The following IL15 variants were observed in gnomAD, a reference collection of about 807,000 sequenced individuals.
IL15 encodes interleukin 15, also known as interleukin-15.
In IL15, 11 loss-of-function variants were observed where a neutral mutation model predicts 19.6. The observed-to-expected ratio is 0.56, with a 90% CI of 0.35 to 0.93. The LOEUF (loss-of-function observed/expected upper bound fraction) is 0.93, where lower values mean the gene tolerates loss of function less well. IL15 is among the 40% of genes least tolerant of loss of function. The pLI is 0.01. For synonymous variants in IL15, 58 were observed against 59.6 expected (o/e 0.97, Z 0.12); for missense variants, 197 against 186.5 (o/e 1.06, Z -0.33).
chr4:141,661,779 C>T (rs895695794), intron 2 of IL15, among the ~76,000 whole-genome samples: 1 of 152,016 alleles, frequency 6.6e-6, no homozygotes, highest in Non-Finnish European at 1.5e-5. Context: ...GCTCCCTCCG[C>T]CCTCCATTTC....
At chr4:141,648,126 T>C (rs1482019386) in intron 1 of IL15, among the ~76,000 whole-genome samples, 6 of 152,042 alleles carry the variant, frequency 3.9e-5, no homozygotes, top group African/African-American at 1.2e-4. Context: ...CATATTTGAC[T>C]CATAGTATAT....
At chr4:141,730,051 A>T in intron 7 of IL15, 67 bp downstream of exon 7, 1 of 1,254,514 alleles carries the variant, frequency 8.0e-7, no homozygotes. Flanking sequence ...GAAGTCATTC[A>T]TGGACAAGCA....
intron 5 of IL15, among the ~76,000 whole-genome samples, chr4:141,726,790 T>G (rs1325446484): frequency 6.6e-6 from 1 of 152,108 alleles, no homozygotes; most frequent in Non-Finnish European, 1.5e-5. Context: ...TAGGTGGATC[T>G]CCAGGGTATT....
chr4:141,651,893 A>G (rs1033490411), intron 1 of IL15, among the ~76,000 whole-genome samples: 2 of 152,090 alleles, frequency 1.3e-5, no homozygotes, highest in Non-Finnish European at 2.9e-5. Flanking sequence ...GCCACTGCCA[A>G]TAAAACCCTC....
intron 2 of IL15, among the ~76,000 whole-genome samples, chr4:141,704,456 G>A (rs1025851576): frequency 2.0e-5 from 3 of 151,946 alleles, no homozygotes; most frequent in African/African-American, 7.2e-5. Flanking sequence ...CTACTGTCTT[G>A]TTAAGAATCT....
intron 2 of IL15, among the ~76,000 whole-genome samples, chr4:141,711,005 G>A (rs911242660): frequency 2.0e-5 from 3 of 151,908 alleles, no homozygotes; most frequent in African/African-American, 7.2e-5. Context: ...TCCTAGCATT[G>A]CGACTGATGA....
chr4:141,702,930 C>T (rs570380173), intron 2 of IL15, among the ~76,000 whole-genome samples: 9 of 152,264 alleles, frequency 5.9e-5, no homozygotes, highest in African/African-American at 2.2e-4. Context: ...GGGCCTGCCG[C>T]AGCCACTGTA....
intron 1 of IL15, among the ~76,000 whole-genome samples, chr4:141,652,830 C>A (rs535556046): frequency 1.3e-5 from 2 of 152,082 alleles, no homozygotes; most frequent in Non-Finnish European, 2.9e-5. Context: ...TTATGGTAAT[C>A]GCATCTCTTT....
chr4:141,728,576 C>T (rs1255553484), intron 6 of IL15, among the ~76,000 whole-genome samples: 1 of 152,108 alleles, frequency 6.6e-6, no homozygotes, highest in African/African-American at 2.4e-5. Flanking sequence ...GGTGGTGGTT[C>T]TTCCCTTCAG....
chr4:141,679,795 C>T (rs1728474102), intron 2 of IL15, among the ~76,000 whole-genome samples: 1 of 152,146 alleles, frequency 6.6e-6, no homozygotes, highest in African/African-American at 2.4e-5. Context: ...GATGGATTCT[C>T]CCCAAAATTG....
At chr4:141,688,493 T>C (rs1268430419) in intron 2 of IL15, among the ~76,000 whole-genome samples, 2 of 152,206 alleles carry the variant, frequency 1.3e-5, no homozygotes, top group Non-Finnish European at 2.9e-5. Flanking sequence ...AAGAGTGCTA[T>C]AATTGCTGTA....
At position 141,706,706 on chromosome 4, in the gene IL15, A is replaced by AT. The variant is rs74269670; in HGVS notation, c.-99-12647dup. The stretch of plus-strand genomic sequence containing the variant: ...TTGCTGAATATAGTGTTCTTGGCTG[A>AT]TTTTTTTTTTTTTAATTTTCAGCAC... On this transcript the variant is annotated intron_variant, in intron 2 of 7. Coordinates refer to ENST00000320650, the MANE Select transcript of IL15 (RefSeq NM_000585.5). Among the ~76,000 whole-genome samples the AT allele has an allele frequency of 4.2e-3, 609 of 144,894 alleles. 2 individuals are homozygous for AT. Among genetic ancestry groups the AT allele is most frequent in the African/African-American group, 0.011 (430 of 39,562 alleles).
chr4:141,709,344 T>A (rs1340342692), intron 2 of IL15, among the ~76,000 whole-genome samples: 2 of 152,202 alleles, frequency 1.3e-5, no homozygotes, highest in Non-Finnish European at 2.9e-5. Context: ...ATCTAATCTG[T>A]TTAATCAAAT....
chr4:141,692,309 C>G (rs1728940293), intron 2 of IL15, among the ~76,000 whole-genome samples: 1 of 152,220 alleles, frequency 6.6e-6, no homozygotes, highest in Non-Finnish European at 1.5e-5. Context: ...CCTTGAAGAT[C>G]TCTGAAATGC....
chr4:141,663,758 C>A (rs1727872311), intron 2 of IL15, among the ~76,000 whole-genome samples: 1 of 152,044 alleles, frequency 6.6e-6, no homozygotes, highest in Non-Finnish European at 1.5e-5. Flanking sequence ...AGGTTTTATG[C>A]CTGGCTTTGG....
intron 4 of IL15, chr4:141,721,231 A>G: frequency 1.3e-6 from 1 of 766,814 alleles, no homozygotes; most frequent in Non-Finnish European, 2.3e-6. Context: ...TCTGTGTAAG[A>G]TCCATCAGGA....
At chr4:141,723,238 A>C (rs1730148930) in intron 5 of IL15, among the ~76,000 whole-genome samples, 1 of 152,194 alleles carries the variant, frequency 6.6e-6, no homozygotes, top group African/African-American at 2.4e-5. Context: ...ATCCTCTTGG[A>C]ACCTTAAAAT....
chr4:141,667,679 TAGGA>T (rs1035756761), intron 2 of IL15, among the ~76,000 whole-genome samples: 36 of 152,184 alleles, frequency 2.4e-4, no homozygotes, highest in Middle Eastern at 3.2e-3. Flanking sequence ...TATTCAGTTA[TAGGA>T]AGGAAGGGTA....
intron 2 of IL15, among the ~76,000 whole-genome samples, chr4:141,690,435 C>T (rs1331210869): frequency 1.3e-5 from 2 of 152,202 alleles, no homozygotes; most frequent in African/African-American, 2.4e-5. Flanking sequence ...ACTACCCTGA[C>T]ATTTCAAATA....
Sources: allele counts gnomAD v4.1 joint callset (sites outside exome capture counted in the v4.1 genomes callset), GRCh38; gene constraint gnomAD v4.1.1; transcripts MANE v1.5; gene names NCBI Gene and HGNC (gene_info 2026-07-23, HGNC 2026-07-21).